Variants in ECE1 observed in about 807,000 individuals in gnomAD.
The protein encoded by ECE1 is endothelin-converting enzyme 1.
ECE1 carries 35 observed loss-of-function variants against 98.6 expected under a neutral mutation model. The observed-to-expected ratio is 0.35, with a 90% confidence interval of 0.27 to 0.47. The LOEUF is 0.47. ECE1 is among the 20% of genes least tolerant of loss of function. The pLI is 1.00. For synonymous variants in ECE1, 394 were observed against 407.1 expected (o/e 0.97, Z 0.39); for missense variants, 814 against 1,025.3 (o/e 0.79, Z 2.81).
At position 21,311,415 on chromosome 1, in the gene ECE1, G is replaced by C. The variant is rs1025431858; in HGVS notation, c.4-21259C>G. 1.9e-4 allele frequency among the ~76,000 whole-genome samples: 28 copies of C among 150,856 alleles called. 1 individual carries two copies. The highest frequency in any genetic ancestry group is 1.5e-5 in the Non-Finnish European group (1 of 67,836). On this transcript the variant is annotated intron_variant, in intron 1 of 18. Transcript: ENST00000415912. ...GGGCCGGGCATGGGGGTTCACGCCT[G>C]TGATCCCAGCACTTTGGGAGGCTGA... is the stretch of plus-strand genomic sequence containing the variant.
chr1:21,327,680 C>A lies in ECE1; in HGVS notation c.3+17696G>T, dbSNP rs1639109692. Among the ~76,000 whole-genome samples, 1 of 152,188 alleles carries A rather than the reference C, an allele frequency of 6.6e-6. No individual in the cohort carries two copies. The highest frequency in any genetic ancestry group is 6.5e-5 in the Admixed American group (1 of 15,276). On this transcript the variant is annotated intron_variant, in intron 1 of 18. Coordinates refer to the ECE1 transcript ENST00000415912. This position sits in a 1 kb window ranked among gnomAD's most constrained non-coding sequence, Gnocchi z 4.6. ...CCCTGCGGGACCCAGCCCTGACCAC[C>A]CTTCAGCTTCACCCTTCCTCTCTAC... is the stretch of plus-strand genomic sequence containing the variant.
intron 14 of ECE1, among the ~76,000 whole-genome samples, chr1:21,232,781 C>T (rs932213894): frequency 4.0e-5 from 6 of 151,392 alleles, no homozygotes; most frequent in African/African-American, 2.4e-5. Context: ...AAGCAATTCT[C>T]GTGCCTCAGC....
Position 21,251,105 on chromosome 1 carries a change from A to G in ECE1, c.1021-3742T>C, listed in dbSNP as rs564571131. On this transcript the variant is annotated intron_variant, in intron 8 of 18. Transcript: ENST00000374893. The stretch of plus-strand genomic sequence containing the variant: ...CTGTGGAGGTCTAAAACCCAGGTTC[A>G]CTCATCTCTTTGGGTTTAAAAGGGC... Among the ~76,000 whole-genome samples the G allele has an allele frequency of 2.0e-5, 3 of 152,250 alleles. No homozygotes were observed. In the East Asian group the frequency reaches 5.8e-4, roughly 29 times the overall value.
At chr1:21,228,801 A>G (rs2098177955) in intron 14 of ECE1, among the ~76,000 whole-genome samples, 3 of 151,546 alleles carry the variant, frequency 2.0e-5, no homozygotes, top group Admixed American at 2.0e-4. Flanking sequence ...AAAAAAGAAA[A>G]AAGAAAAGAA....
At chr1:21,343,112 A>G (rs1639433390) in intron 1 of ECE1, among the ~76,000 whole-genome samples, 1 of 152,070 alleles carries the variant, frequency 6.6e-6, no homozygotes, top group Non-Finnish European at 1.5e-5. Context: ...CACCTGCTCC[A>G]TGAAGCTTTC....
rs2098184156 is a variant in ECE1, at chr1:21,233,356, C to T, written c.1670+202G>A. 1 of 545,322 alleles carries T rather than the reference C, an allele frequency of 1.8e-6. No homozygotes were observed. The highest frequency in any genetic ancestry group is 3.3e-6 in the Non-Finnish European group (1 of 303,228). 33.8% of individuals were successfully genotyped at this position (545,322 alleles called of 1,614,324 possible). On this transcript the variant is annotated intron_variant, in intron 14 of 18. Coordinates refer to ENST00000374893, the MANE Select transcript of ECE1 (RefSeq NM_001397.3). This position sits in a 1 kb window ranked among gnomAD's most constrained non-coding sequence, Gnocchi z 4.0. ...ACAGGCTGGGCAGGCTCAAGCCCAT[C>T]CCAGCTCCTAGCTGGGCCATACTTC...
At chr1:21,292,496 TTC>T (rs548335079), upstream of ECE1, among the ~76,000 whole-genome samples, 13 of 152,330 alleles carry the variant, frequency 8.5e-5, no homozygotes, top group East Asian at 1.2e-3. Flanking sequence ...GTCCCCCAAA[TTC>T]TCTGTTACAG....
intron 1 of ECE1, among the ~76,000 whole-genome samples, chr1:21,334,540 C>G (rs111352181): frequency 9.2e-5 from 14 of 152,358 alleles, no homozygotes; most frequent in African/African-American, 3.1e-4. Context: ...CCTCACTTCT[C>G]GGCAGGGTGT....
chr1:21,310,439 A>G (rs1273910689), intron 1 of ECE1, among the ~76,000 whole-genome samples: 3 of 152,194 alleles, frequency 2.0e-5, no homozygotes, highest in Non-Finnish European at 2.9e-5. Context: ...GTGACTTAGT[A>G]GAGGTGGGGC....
chr1:21,218,685 CAA>C lies in ECE1; in HGVS notation c.*1268_*1269del, dbSNP rs1422890600. On this transcript the variant is annotated 3_prime_UTR_variant, in exon 19 of 19. Transcript: ENST00000374893. This position sits in a 1 kb window ranked among gnomAD's most constrained non-coding sequence, Gnocchi z 4.0. ...CACTGCAACCTCTGCCTCCTGAGCT[CAA>C]GAGATTCTCTTGCCTCAGCCTCCCG... 6.6e-6 allele frequency: 1 copy of C among 152,184 alleles called. No homozygotes were observed. Among genetic ancestry groups the C allele is most frequent in the Non-Finnish European group, 1.5e-5 (1 of 68,056 alleles). 9.4% of individuals were successfully genotyped at this position (152,184 alleles called of 1,614,324 possible).
In ECE1 at chr1:21,319,934, C is replaced by G. The variant is rs213017; in HGVS notation, c.3+25442G>C. On this transcript the variant is annotated intron_variant, in intron 1 of 18. Transcript: ENST00000415912. The surrounding 1 kb of genome is among the most constrained non-coding windows in gnomAD (Gnocchi z 4.4). ...CAGATCTTCTGTTTACACTCGGCAG[C>G]AGCGTCCCATCTTTTGACTTCCCTG... 0.31 allele frequency among the ~76,000 whole-genome samples: 47,904 copies of G among 152,126 alleles called. 9,814 individuals carry two copies. The highest frequency in any genetic ancestry group is 0.58 in the African/African-American group (24,099 of 41,454).
At position 21,340,700 on chromosome 1, in the gene ECE1, A is replaced by G. The variant is rs1381719209; in HGVS notation, c.3+4676T>C. 3.3e-5 allele frequency among the ~76,000 whole-genome samples: 5 copies of G among 152,094 alleles called. No individual in the cohort carries two copies. Among genetic ancestry groups the G allele is most frequent in the Admixed American group, 6.5e-5 (1 of 15,272 alleles). On this transcript the variant is annotated intron_variant, in intron 1 of 18. Transcript: ENST00000415912. This position sits in a 1 kb window ranked among gnomAD's most constrained non-coding sequence, Gnocchi z 4.6. ...CTAAAAAAATACAGAAGTTAGTCGC[A>G]TGGTGGCACGCCTGTAATCCCAGCT...
chr1:21,247,684 C>G (rs1195278386), intron 8 of ECE1, among the ~76,000 whole-genome samples: 1 of 152,168 alleles, frequency 6.6e-6, no homozygotes, highest in African/African-American at 2.4e-5. Context: ...ATGATTCCAC[C>G]TGGTCCTCAC....
At chr1:21,281,191 GAAAACAAAACAAAAC>G (rs112901908) in intron 2 of ECE1, among the ~76,000 whole-genome samples, 79 of 151,720 alleles carry the variant, frequency 5.2e-4, no homozygotes, top group African/African-American at 1.8e-3. Flanking sequence ...CTCCGTCTCG[GAAAACAAAACAAAAC>G]AAAACAAAAC....
chr1:21,234,244 T>A (rs1381552931), intron 13 of ECE1, among the ~76,000 whole-genome samples: 1 of 151,926 alleles, frequency 6.6e-6, no homozygotes, highest in Non-Finnish European at 1.5e-5. Context: ...CACCTTGGCA[T>A]CCCAAAGTGC....
chr1:21,311,096 A>C (rs899647085), intron 1 of ECE1, among the ~76,000 whole-genome samples: 1 of 152,146 alleles, frequency 6.6e-6, no homozygotes, highest in East Asian at 1.9e-4. Context: ...GTGAGGATGA[A>C]ATGAGAGAAT....
Position 21,345,164 on chromosome 1 carries a change from G to A in ECE1, c.3+212C>T, listed in dbSNP as rs921702919. 27 of 546,464 alleles carry A rather than the reference G, an allele frequency of 4.9e-5. No homozygotes were observed. Among genetic ancestry groups the A allele is most frequent in the Non-Finnish European group, 6.8e-5 (27 of 399,352 alleles). 33.9% of individuals were successfully genotyped at this position (546,464 alleles called of 1,614,324 possible). A position where few individuals can be genotyped will look rare whatever the true frequency, so the allele number is the denominator to read the frequency against. On this transcript the variant is annotated intron_variant, in intron 1 of 18. Transcript: ENST00000415912. The surrounding 1 kb of genome is among the most constrained non-coding windows in gnomAD (Gnocchi z 5.1). ...AACCAAGCTCGGCGCGGCCGCCCCCGACGGGACCAAGCGCAGCGCCGCCGG... is the reference window on the plus strand; with the variant it reads ...AACCAAGCTCGGCGCGGCCGCCCCCAACGGGACCAAGCGCAGCGCCGCCGG...
chr1:21,245,963 G>A (rs1369062972), intron 9 of ECE1, among the ~76,000 whole-genome samples: 1 of 151,934 alleles, frequency 6.6e-6, no homozygotes, highest in Non-Finnish European at 1.5e-5. Flanking sequence ...ATCAACAGGA[G>A]TCATTTAAAA....
rs28367976 is a variant in ECE1, at chr1:21,260,118, C to T, written c.615+153G>A. Among the ~76,000 whole-genome samples, 2 of 152,354 alleles carry T rather than the reference C, an allele frequency of 1.3e-5. No individual in the cohort carries two copies. Among genetic ancestry groups the T allele is most frequent in the East Asian group, 1.9e-4 (1 of 5,178 alleles). ...ATGTGCTCACACTCACATGTGCTCTCGCACACTCGCTCTCTCTCTTTCTGT... is the reference window on the plus strand; with the variant it reads ...ATGTGCTCACACTCACATGTGCTCTTGCACACTCGCTCTCTCTCTTTCTGT... On this transcript the variant is annotated intron_variant, in intron 5 of 18. Transcript: ENST00000374893. The surrounding 1 kb of genome is among the most constrained non-coding windows in gnomAD (Gnocchi z 4.3).
Sources: allele counts gnomAD v4.1 joint callset (sites outside exome capture counted in the v4.1 genomes callset), GRCh38; gene constraint gnomAD v4.1.1; non-coding constraint Gnocchi (gnomAD v3.1); transcripts MANE v1.5; gene names NCBI Gene and HGNC (gene_info 2026-07-23, HGNC 2026-07-21).